Variants in CRYBA2 observed in about 807,000 individuals in gnomAD.
The protein encoded by CRYBA2 is crystallin beta A2.
In CRYBA2, 17 loss-of-function variants were observed where a neutral mutation model predicts 18.5. The observed-to-expected ratio is 0.92, with a 90% CI of 0.63 to 1.38. The LOEUF (loss-of-function observed/expected upper bound fraction) is 1.38. Among genes scored for constraint, CRYBA2 ranks in the 40% most tolerant of loss-of-function variants. The probability of loss-of-function intolerance (pLI) is 0.00; values close to 1 mark genes in which losing one functional copy is unlikely to be tolerated. For missense variants in CRYBA2, 271 were observed against 265.0 expected (o/e 1.02, Z -0.16); for synonymous variants, 101 against 106.2 (o/e 0.95, Z 0.30).
Position 218,993,146 on chromosome 2 carries a change from G to C in CRYBA2, c.31C>G (p.Pro11Ala). 1 of 1,608,178 alleles carries C rather than the reference G, an allele frequency of 6.2e-7. No individual in the cohort carries two copies. Among genetic ancestry groups the C allele is most frequent in the Non-Finnish European group, 8.5e-7 (1 of 1,177,726 alleles). MSSAPAPGPA[P>A]ASLTLWDEED... ...TCGTCCCAGAGCGTGAGGCTGGCGGGCGCCGGGCCCGGCGCGGGGGCGCTG... is the reference window on the plus strand; with the variant it reads ...TCGTCCCAGAGCGTGAGGCTGGCGGCCGCCGGGCCCGGCGCGGGGGCGCTG... The change falls in exon 1 of 4, where the codon CCC becomes GCC. Residue 11 changes from proline to alanine, a missense_variant. Coordinates refer to ENST00000295728, the MANE Select transcript of CRYBA2 (RefSeq NM_057093.2). This position sits in a 1 kb window ranked among gnomAD's most constrained non-coding sequence, Gnocchi z 7.7.
intron 2 of CRYBA2, 156 bp from the exon 3 acceptor site, chr2:218,991,150 G>A (rs1945493493): frequency 8.9e-7 from 1 of 1,129,652 alleles, no homozygotes; most frequent in Admixed American, 2.7e-5. Flanking sequence ...CAGCTCCCTG[G>A]CAGTCTGGGA....
intron 3 of CRYBA2, 130 bp downstream of exon 3, chr2:218,990,722 C>T: frequency 8.4e-7 from 1 of 1,187,908 alleles, no homozygotes. Context: ...TCCATCATCT[C>T]CCTCCCCTTG....
chr2:218,990,700 T>C (rs1945485849), intron 3 of CRYBA2, 152 bp downstream of exon 3: 2 of 998,862 alleles, frequency 2.0e-6, no homozygotes, highest in African/African-American at 3.3e-5. Context: ...ATTTCCTCCC[T>C]TCCAGTCTGA....
In CRYBA2 at chr2:218,993,031, T is replaced by C; in HGVS notation, c.146A>G (p.Lys49Arg). ...AATCACTCACACGCCGTTTTCCACC[T>C]TGACCGAGCGCACCCTGGGCAGGCC... The part of the protein sequence containing the change: ...RGGLPRVRSV[K>R]VENGVWVAFE... Residue 49 changes from lysine (K) to arginine (R), a missense_variant, in exon 1 of 4, where the codon AAG (lysine) becomes AGG (arginine). Transcript: ENST00000295728. The surrounding 1 kb of genome is among the most constrained non-coding windows in gnomAD (Gnocchi z 7.7). The C allele has an allele frequency of 6.2e-7, 1 of 1,605,506 alleles. No individual in the cohort carries two copies. The highest frequency in any genetic ancestry group is 8.5e-7 in the Non-Finnish European group (1 of 1,174,738).
At chr2:218,992,019 G>T in intron 2 of CRYBA2, 83 bp downstream of exon 2, 1 of 1,279,794 alleles carries the variant, frequency 7.8e-7, no homozygotes, top group Non-Finnish European at 1.1e-6. Flanking sequence ...CCCCATGCAG[G>T]GCTTGAACAG....
At chr2:218,991,940 C>T (rs1432566720) in intron 2 of CRYBA2, 162 bp downstream of exon 2, 4 of 670,534 alleles carry the variant, frequency 6.0e-6, no homozygotes, top group Non-Finnish European at 7.3e-6. Flanking sequence ...TCCCAACTTT[C>T]TTGGAGACAC....
At chr2:218,990,438 G>GCCCCCCCCCCCCCCCC in intron 3 of CRYBA2, 39 bp from the exon 4 acceptor site, 1 of 1,606,078 alleles carries the variant, frequency 6.2e-7, no homozygotes, top group East Asian at 2.2e-5. Flanking sequence ...AGTAAGCTCT[G>GCCCCCCCCCCCCCCCC]CCCCCACCCC....
intron 3 of CRYBA2, among the ~76,000 whole-genome samples, 178 bp from the exon 4 acceptor site, chr2:218,990,577 G>T (rs533544938): frequency 6.6e-6 from 1 of 150,382 alleles, no homozygotes; most frequent in Non-Finnish European, 1.5e-5. Flanking sequence ...TTCTGTCACC[G>T]TTCTCATCCA....
chr2:218,993,057 T>C lies in CRYBA2; in HGVS notation c.120A>G (p.Gly40=). 1 of 1,610,304 alleles carries C rather than the reference T, an allele frequency of 6.2e-7. No individual in the cohort carries two copies. Residue 40 remains glycine (G), a synonymous_variant, in exon 1 of 4, where the codon GGA becomes GGG. Coordinates refer to ENST00000295728, the MANE Select transcript of CRYBA2 (RefSeq NM_057093.2). The surrounding 1 kb of genome is among the most constrained non-coding windows in gnomAD (Gnocchi z 7.7). ...TGACCGAGCGCACCCTGGGCAGGCC[T>C]CCGCGCTCGCAGACGTTCGCACAGT... ...LSDCANVCER[G]GLPRVRSVKV...
At chr2:218,990,508 T>C in intron 3 of CRYBA2, 109 bp from the exon 4 acceptor site, 1 of 1,343,984 alleles carries the variant, frequency 7.4e-7, no homozygotes, top group Non-Finnish European at 1.0e-6. Flanking sequence ...AGTTCCAAAA[T>C]CATTGCTTCA....
rs150355640 is a variant in CRYBA2, at chr2:218,993,114, G to A, written c.63C>T (p.Asp21=). ...GCAGCCGACAGCGACGGCCCTGGAAGTCCTCCTCGTCCCAGAGCGTGAGGC... is the reference window on the plus strand; with the variant it reads ...GCAGCCGACAGCGACGGCCCTGGAAATCCTCCTCGTCCCAGAGCGTGAGGC... ...PASLTLWDEE[D]FQGRRCRLLS... The change falls in exon 1 of 4, where the codon GAC becomes GAT. Residue 21 remains aspartate, a synonymous_variant. Coordinates refer to ENST00000295728, the MANE Select transcript of CRYBA2 (RefSeq NM_057093.2). The surrounding 1 kb of genome is among the most constrained non-coding windows in gnomAD (Gnocchi z 7.7). 266 of 1,611,856 alleles carry A rather than the reference G, an allele frequency of 1.7e-4. No homozygotes were observed. The highest frequency in any genetic ancestry group is 3.8e-4 in the Admixed American group (23 of 59,960).
In CRYBA2 at chr2:218,990,905, G is replaced by C; in HGVS notation, c.393C>G (p.Pro131=). 1.2e-6 allele frequency: 2 copies of C among 1,614,132 alleles called. No individual in the cohort carries two copies. The highest frequency in any genetic ancestry group is 1.7e-6 in the Non-Finnish European group (2 of 1,180,016). ...CATCCTTGCTGGCCCAGCCCATGGA[G>C]GGCAGGGATGGGTAGTCATCAACGA... ...FDLVDDYPSL[P]SMGWASKDVG... Residue 131 remains proline, a synonymous_variant, in exon 3 of 4, where the codon CCC becomes CCG. Transcript: ENST00000295728.
chr2:218,993,101 G>A lies in CRYBA2; in HGVS notation c.76C>T (p.Arg26Cys). 1 of 1,611,990 alleles carries A rather than the reference G, an allele frequency of 6.2e-7. No homozygotes were observed. Among genetic ancestry groups the A allele is most frequent in the South Asian group, 1.1e-5 (1 of 91,056 alleles). The change falls in exon 1 of 4, where the codon CGC becomes TGC. Residue 26 changes from arginine (R) to cysteine (C), a missense_variant. By Grantham distance (180) the Arg-to-Cys change is radical. Transcript: ENST00000295728. The surrounding 1 kb of genome is among the most constrained non-coding windows in gnomAD (Gnocchi z 7.7). The stretch of plus-strand genomic sequence containing the variant: ...GCACAGTCGCTTAGCAGCCGACAGC[G>A]ACGGCCCTGGAAGTCCTCCTCGTCC... ...LWDEEDFQGR[R>C]CRLLSDCANV...
At chr2:218,990,438 G>GCCCCCCCCCCCCCCCCCTTTTTTTCC in intron 3 of CRYBA2, 39 bp from the exon 4 acceptor site, 1 of 1,606,078 alleles carries the variant, frequency 6.2e-7, no homozygotes, top group Non-Finnish European at 8.5e-7. Flanking sequence ...AGTAAGCTCT[G>GCCCCCCCCCCCCCCCCCTTTTTTTCC]CCCCCACCCC....
intron 3 of CRYBA2, 108 bp from the exon 4 acceptor site, chr2:218,990,507 A>C (rs1945483652): frequency 7.3e-7 from 1 of 1,374,604 alleles, no homozygotes; most frequent in Non-Finnish European, 9.9e-7. Flanking sequence ...CAGTTCCAAA[A>C]TCATTGCTTC....
intron 1 of CRYBA2, 112 bp downstream of exon 1, chr2:218,992,904 T>G (rs1945514940): frequency 1.3e-6 from 1 of 790,804 alleles, no homozygotes; most frequent in East Asian, 2.8e-5. Context: ...GGGTTTCCCA[T>G]GTTGGCAGGT....
chr2:218,990,950 G>C lies in CRYBA2; in HGVS notation c.348C>G (p.Phe116Leu). Reference sequence around the variant, plus strand: ...CAACGAGGTCAAACTTGCAGCCTTGGAAGTTGTCCCCCTCAAACAGTGTCA... The same window carrying C: ...CAACGAGGTCAAACTTGCAGCCTTGCAAGTTGTCCCCCTCAAACAGTGTCA... ...SRVTLFEGDN[F>L]QGCKFDLVDD... The change falls in exon 3 of 4, where the codon TTC becomes TTG. Residue 116 changes from phenylalanine (F) to leucine (L), a missense_variant. Coordinates refer to ENST00000295728, the MANE Select transcript of CRYBA2 (RefSeq NM_057093.2). The C allele has an allele frequency of 6.2e-7, 1 of 1,614,190 alleles. No homozygotes were observed. The highest frequency in any genetic ancestry group is 8.5e-7 in the Non-Finnish European group (1 of 1,180,038).
chr2:218,991,039 G>A (rs768993602), intron 2 of CRYBA2, 45 bp from the exon 3 acceptor site: 1 of 1,605,288 alleles, frequency 6.2e-7, no homozygotes, highest in Non-Finnish European at 8.5e-7. Flanking sequence ...GGCTTCCAAA[G>A]GGTTAACGGA....
intron 1 of CRYBA2, among the ~76,000 whole-genome samples, 199 bp downstream of exon 1, chr2:218,992,817 T>C (rs1945513629): frequency 6.6e-6 from 1 of 152,174 alleles, no homozygotes; most frequent in Non-Finnish European, 1.5e-5. Context: ...CTCGCCTGTG[T>C]CTCTTTAGCT....
Sources: gnomAD v4.1 joint callset for allele counts (sites outside exome capture counted in the v4.1 genomes callset) on GRCh38, gnomAD v4.1.1 for gene constraint, Gnocchi (gnomAD v3.1) non-coding constraint, MANE v1.5 for transcripts, NCBI Gene and HGNC (gene_info 2026-07-23, HGNC 2026-07-21) for gene names.